Variants in ANKRD44 observed in about 807,000 individuals in gnomAD.
ANKRD44 encodes the protein serine/threonine-protein phosphatase 6 regulatory ankyrin repeat subunit B.
A neutral mutation model predicts 116.0 loss-of-function variants in ANKRD44; 35 were observed. That is an observed-to-expected ratio of 0.30 (90% CI 0.23 to 0.40). The LOEUF is 0.40. ANKRD44 is among the 10% of genes least tolerant of loss of function. ANKRD44 has a pLI of 1.00. For synonymous variants in ANKRD44, 435 were observed against 461.8 expected (o/e 0.94, Z 0.74); for missense variants, 1,014 against 1,242.6 (o/e 0.82, Z 2.77).
chr2:197,272,760 T>C (rs1306141903), intron 1 of ANKRD44, among the ~76,000 whole-genome samples: 1 of 152,146 alleles, frequency 6.6e-6, no homozygotes, highest in Non-Finnish European at 1.5e-5. Context: ...AACCAGGAAT[T>C]GGACCCTCAC....
chr2:197,151,560 A>T (rs1482665783), intron 2 of ANKRD44, among the ~76,000 whole-genome samples: 3 of 152,214 alleles, frequency 2.0e-5, no homozygotes, highest in East Asian at 1.9e-4. Flanking sequence ...AAACTCAAAG[A>T]ATAAAAAAAG....
In ANKRD44 at chr2:197,250,225, T is replaced by C. The variant is rs182762591; in HGVS notation, c.27+60353A>G. ...GTTGTTGGCAGCCATCTCCTTGTGA[T>C]TGCAAGATAGCTGCAGTAACAACAC... On this transcript the variant is annotated intron_variant, in intron 1 of 27. Coordinates refer to ENST00000282272, the MANE Select transcript of ANKRD44 (RefSeq NM_001195144.2). 4.6e-5 allele frequency among the ~76,000 whole-genome samples: 7 copies of C among 152,264 alleles called. No individual in the cohort carries two copies. In the East Asian group the frequency reaches 1.2e-3, roughly 25 times the overall value.
chr2:197,152,989 G>A (rs994808913), intron 2 of ANKRD44, among the ~76,000 whole-genome samples: 1 of 152,130 alleles, frequency 6.6e-6, no homozygotes, highest in Admixed American at 6.5e-5. Context: ...GGCTGAGGCA[G>A]ATGGATGGCT....
At chr2:197,140,956 C>T (rs1185147950) in intron 3 of ANKRD44, among the ~76,000 whole-genome samples, 1 of 152,160 alleles carries the variant, frequency 6.6e-6, no homozygotes, top group Non-Finnish European at 1.5e-5. Flanking sequence ...TGGCTCATGC[C>T]TGTAATCCCA....
chr2:197,265,810 A>G (rs1368567248), intron 1 of ANKRD44, among the ~76,000 whole-genome samples: 3 of 152,180 alleles, frequency 2.0e-5, no homozygotes, highest in Admixed American at 1.3e-4. Context: ...TGTTAAAAAG[A>G]GAGACAAAAA....
At chr2:197,243,557 G>C (rs970453780) in intron 1 of ANKRD44, among the ~76,000 whole-genome samples, 19 of 152,176 alleles carry the variant, frequency 1.2e-4, no homozygotes, top group African/African-American at 4.6e-4. Flanking sequence ...CACTTGAGTT[G>C]CTATAACAAA....
intron 3 of ANKRD44, among the ~76,000 whole-genome samples, chr2:197,144,634 A>G (rs1266115696): frequency 6.6e-6 from 1 of 152,218 alleles, no homozygotes; most frequent in Non-Finnish European, 1.5e-5. Flanking sequence ...TCCATAGCAC[A>G]TTGAACCAAA....
chr2:197,258,110 T>C (rs1236653318), intron 1 of ANKRD44, among the ~76,000 whole-genome samples: 5 of 151,878 alleles, frequency 3.3e-5, no homozygotes, highest in African/African-American at 1.2e-4. Context: ...TTTATTCATT[T>C]ATTTATTTTT....
intron 1 of ANKRD44, among the ~76,000 whole-genome samples, chr2:197,230,810 C>G (rs1343660016): frequency 6.6e-6 from 1 of 152,152 alleles, no homozygotes; most frequent in Non-Finnish European, 1.5e-5. Context: ...TCTACCATCT[C>G]CCGGGACCCC....
In ANKRD44 at chr2:197,114,774, G is replaced by A. The variant is rs141940722; in HGVS notation, c.907-3930C>T. Among the ~76,000 whole-genome samples, 654 of 152,280 alleles carry A rather than the reference G, an allele frequency of 4.3e-3. 3 individuals carry two copies. Among genetic ancestry groups the A allele is most frequent in the African/African-American group, 0.015 (628 of 41,546 alleles). On this transcript the variant is annotated intron_variant, in intron 8 of 27. Coordinates refer to ENST00000282272, the MANE Select transcript of ANKRD44 (RefSeq NM_001195144.2). The stretch of plus-strand genomic sequence containing the variant: ...CATTAAGTCCAACCTGCGGTTAGGG[G>A]TGGGGTCAAATAAGGTGAGAAACCC...
At chr2:197,003,789 G>A (rs1191888763) in intron 21 of ANKRD44, among the ~76,000 whole-genome samples, 3 of 151,958 alleles carry the variant, frequency 2.0e-5, no homozygotes, top group Non-Finnish European at 4.4e-5. Context: ...CAGTGCCAGA[G>A]AGCTCCCACA....
rs951135516 is a variant in ANKRD44 at position 197,100,569 on chromosome 2, T to C, written c.986-639A>G. On this transcript the variant is annotated intron_variant, in intron 9 of 27. Coordinates refer to ENST00000282272, the MANE Select transcript of ANKRD44 (RefSeq NM_001195144.2). Reference sequence around the variant, plus strand: ...GAATGTATTCAAATCCCATAAAGTGTAATTCTGAAGACATGTTCAATTTTA... The same window carrying C: ...GAATGTATTCAAATCCCATAAAGTGCAATTCTGAAGACATGTTCAATTTTA... 5.3e-5 allele frequency among the ~76,000 whole-genome samples: 8 copies of C among 152,260 alleles called. No homozygotes were observed. In the East Asian group the frequency reaches 1.3e-3, roughly 26 times the overall value.
intron 16 of ANKRD44, among the ~76,000 whole-genome samples, chr2:197,050,057 G>T (rs752638273): frequency 6.6e-6 from 1 of 152,134 alleles, no homozygotes; most frequent in Non-Finnish European, 1.5e-5. Context: ...GCTGGCATCT[G>T]CTCAGCTTCT....
intron 1 of ANKRD44, among the ~76,000 whole-genome samples, chr2:197,190,022 G>A (rs887412780): frequency 5.9e-5 from 9 of 152,218 alleles, no homozygotes; most frequent in African/African-American, 1.9e-4. Context: ...ACAGTCCTCA[G>A]CAGGGAGTGG....
intron 8 of ANKRD44, among the ~76,000 whole-genome samples, chr2:197,114,622 C>A (rs1052019320): frequency 1.3e-5 from 2 of 152,036 alleles, no homozygotes; most frequent in African/African-American, 2.4e-5. Flanking sequence ...ATATACGTTC[C>A]CTAAATTTAC....
intron 16 of ANKRD44, among the ~76,000 whole-genome samples, chr2:197,047,916 A>G (rs930005763): frequency 6.6e-6 from 1 of 152,082 alleles, no homozygotes; most frequent in African/African-American, 2.4e-5. Context: ...CAAAAAGAAA[A>G]AAAAAAAAAA....
Position 196,999,030 on chromosome 2 carries a change from A to G in ANKRD44, c.2542T>C (p.Phe848Leu). The G allele has an allele frequency of 1.2e-6, 2 of 1,614,098 alleles. No homozygotes were observed. Among genetic ancestry groups the G allele is most frequent in the Non-Finnish European group, 1.7e-6 (2 of 1,179,990 alleles). Reference sequence around the variant, plus strand: ...TGCAAGCACTCCACATGATCAGCAAATGCTGCCGCATGAAGGGGTGTCCTA... The same window carrying G: ...TGCAAGCACTCCACATGATCAGCAAGTGCTGCCGCATGAAGGGGTGTCCTA... The part of the protein sequence containing the change: ...KGRTPLHAAA[F>L]ADHVECLQLL... Residue 848 changes from phenylalanine to leucine, a missense_variant, in exon 24 of 28, where the codon TTT becomes CTT. Phe to Leu is a conservative substitution (Grantham distance 22, BLOSUM62 0). Coordinates refer to ENST00000282272, the MANE Select transcript of ANKRD44 (RefSeq NM_001195144.2).
downstream of ANKRD44, among the ~76,000 whole-genome samples, chr2:196,985,593 T>A (rs899911207): frequency 6.6e-6 from 1 of 152,222 alleles, no homozygotes; most frequent in Non-Finnish European, 1.5e-5. Context: ...GAGGCAGATG[T>A]GGTATCATCA....
chr2:197,019,606 A>T (rs1030671576), intron 17 of ANKRD44, among the ~76,000 whole-genome samples: 1 of 152,180 alleles, frequency 6.6e-6, no homozygotes, highest in Non-Finnish European at 1.5e-5. Context: ...CCAGAGCCCA[A>T]GCTGTGAGGC....
Sources: gnomAD v4.1 joint callset for allele counts (sites outside exome capture counted in the v4.1 genomes callset) on GRCh38, gnomAD v4.1.1 for gene constraint, MANE v1.5 for transcripts, NCBI Gene and HGNC (gene_info 2026-07-23, HGNC 2026-07-21) for gene names.